Variants in DLG5 observed in about 807,000 individuals in gnomAD.
The protein encoded by DLG5 is disks large homolog 5.
In DLG5, 48 loss-of-function variants were observed where a neutral mutation model predicts 189.8. The ratio of observed to expected loss-of-function variants is 0.25; its 90% confidence interval spans 0.20 to 0.32. DLG5 has a LOEUF of 0.32. Among genes scored for constraint, DLG5 ranks in the 10% least tolerant of loss-of-function variants. The pLI is 1.00. For synonymous variants in DLG5, 1,016 were observed against 1,054.1 expected (o/e 0.96, Z 0.70); for missense variants, 2,160 against 2,544.7 (o/e 0.85, Z 3.25).
intron 6 of DLG5, among the ~76,000 whole-genome samples, chr10:77,842,935 A>G (rs1327649513): frequency 6.6e-6 from 1 of 152,198 alleles, no homozygotes; most frequent in African/African-American, 2.4e-5. Flanking sequence ...TTTTCATGTG[A>G]AACTGCTACA....
chr10:77,796,684 A>ACT lies in DLG5; in HGVS notation c.5165-92_5165-91dup. ...GGAACCCCGCTCCCTGACCTCGCCC[A>ACT]CTCTGGTTTGCCTGGGACTCCCCCA... On this transcript the variant is annotated intron_variant, in intron 27 of 31. Transcript: ENST00000372391. The surrounding 1 kb of genome is among the most constrained non-coding windows in gnomAD (Gnocchi z 5.2). The ACT allele has an allele frequency of 2.0e-6, 3 of 1,537,760 alleles. No homozygotes were observed. Among genetic ancestry groups the ACT allele is most frequent in the Non-Finnish European group, 2.7e-6 (3 of 1,129,844 alleles).
At chr10:77,815,146 T>C (rs1391454659) in intron 20 of DLG5, among the ~76,000 whole-genome samples, 2 of 152,128 alleles carry the variant, frequency 1.3e-5, no homozygotes, top group Admixed American at 1.3e-4. Context: ...CCCACTTCAC[T>C]TGGGGAAGGT....
At chr10:77,882,177 C>A (rs1044039944) in intron 1 of DLG5, among the ~76,000 whole-genome samples, 1 of 152,180 alleles carries the variant, frequency 6.6e-6, no homozygotes, top group Non-Finnish European at 1.5e-5. Context: ...TGCCATAGGG[C>A]GGGAGGCACA....
intron 6 of DLG5, among the ~76,000 whole-genome samples, chr10:77,843,049 T>C (rs890180044): frequency 1.3e-5 from 2 of 152,190 alleles, no homozygotes; most frequent in African/African-American, 4.8e-5. Flanking sequence ...CCCCAGATAA[T>C]TAACTTTCCT....
chr10:77,914,193 A>C (rs1846299251), intron 1 of DLG5, among the ~76,000 whole-genome samples: 1 of 152,188 alleles, frequency 6.6e-6, no homozygotes, highest in African/African-American at 2.4e-5. Flanking sequence ...AGAATTGTGA[A>C]GGTGTCTTTT....
chr10:77,821,909 C>G lies in DLG5; in HGVS notation c.2575G>C (p.Gly859Arg). The change falls in exon 15 of 32, where the codon GGC becomes CGC. Residue 859 changes from glycine to arginine, a missense_variant. Gly to Arg is a moderately radical substitution (Grantham distance 125). Transcript: ENST00000372391. ...AAGGAGCTGCTGCCTCCTGGGGGGC[C>G]TGGCTCCTTCCTGTCTTCCAGCCTG... ...TDRLEDRKEP[G>R]PPGGSSSFLH... 1 of 1,614,248 alleles carries G rather than the reference C, an allele frequency of 6.2e-7. No individual in the cohort carries two copies. The highest frequency in any genetic ancestry group is 8.5e-7 in the Non-Finnish European group (1 of 1,180,044).
chr10:77,911,992 A>G (rs976310109), intron 1 of DLG5, among the ~76,000 whole-genome samples: 15 of 151,108 alleles, frequency 9.9e-5, no homozygotes, highest in Non-Finnish European at 2.9e-5. Flanking sequence ...TAAGGCCAGG[A>G]GTTCAAGACC....
intron 2 of DLG5, among the ~76,000 whole-genome samples, chr10:77,863,279 T>A (rs1258327422): frequency 6.6e-6 from 1 of 151,904 alleles, no homozygotes; most frequent in Non-Finnish European, 1.5e-5. Flanking sequence ...TTTTATTTAT[T>A]GTAGCGACAG....
intron 2 of DLG5, among the ~76,000 whole-genome samples, chr10:77,866,576 C>A (rs968172761): frequency 6.6e-6 from 1 of 152,124 alleles, no homozygotes; most frequent in African/African-American, 2.4e-5. Flanking sequence ...GCCTGAGAAA[C>A]TAGAAATTTA....
chr10:77,794,593 C>T (rs1014734699), intron 30 of DLG5, among the ~76,000 whole-genome samples: 5 of 152,230 alleles, frequency 3.3e-5, no homozygotes, highest in Non-Finnish European at 7.3e-5. Context: ...CCAAGCTGGC[C>T]ATGCCCAAAA....
At chr10:77,819,688 C>T (rs1441680213) in intron 16 of DLG5, 5 of 1,055,372 alleles carry the variant, frequency 4.7e-6, no homozygotes. Context: ...TCCCAGGTTG[C>T]TATGGGGAGA....
the DLG5 span, among the ~76,000 whole-genome samples, chr10:77,938,928 C>T: frequency 6.6e-6 from 1 of 152,216 alleles, no homozygotes; most frequent in African/African-American, 2.4e-5. Flanking sequence ...GTGGCTCACG[C>T]CTGTAATCCC....
chr10:77,910,101 C>T lies in DLG5; in HGVS notation c.304+16116G>A, dbSNP rs568443891. ...ATTTAGATATCACGTCCTACGTCTACATCCAGAAAGCCCCCAGTGTGACAG... is the reference window on the plus strand; with the variant it reads ...ATTTAGATATCACGTCCTACGTCTATATCCAGAAAGCCCCCAGTGTGACAG... On this transcript the variant is annotated intron_variant, in intron 1 of 31. Coordinates refer to ENST00000372391, the MANE Select transcript of DLG5 (RefSeq NM_004747.4). Among the ~76,000 whole-genome samples, 265 of 152,338 alleles carry T rather than the reference C, an allele frequency of 1.7e-3. 1 individual carries two copies. The highest frequency in any genetic ancestry group is 6.1e-3 in the African/African-American group (253 of 41,586).
chr10:77,910,849 G>C (rs777875484), intron 1 of DLG5, among the ~76,000 whole-genome samples: 4 of 152,118 alleles, frequency 2.6e-5, no homozygotes, highest in Non-Finnish European at 4.4e-5. Flanking sequence ...GCACACGCCT[G>C]TAATCCCAGC....
chr10:77,796,334 C>A lies in DLG5; in HGVS notation c.5308+117G>T. Reference sequence around the variant, plus strand: ...GACCCATGTCAGCAGGCTTCTGGAACACTGTGAAATCTGCCCCCCGGTACT... The same window carrying A: ...GACCCATGTCAGCAGGCTTCTGGAAAACTGTGAAATCTGCCCCCCGGTACT... On this transcript the variant is annotated intron_variant, in intron 28 of 31. Coordinates refer to ENST00000372391, the MANE Select transcript of DLG5 (RefSeq NM_004747.4). This position sits in a 1 kb window ranked among gnomAD's most constrained non-coding sequence, Gnocchi z 5.2. 6.3e-7 allele frequency: 1 copy of A among 1,584,484 alleles called. No homozygotes were observed. Among genetic ancestry groups the A allele is most frequent in the Non-Finnish European group, 8.6e-7 (1 of 1,161,360 alleles).
intron 1 of DLG5, chr10:77,912,325 G>A (rs1373752722): frequency 6.6e-6 from 1 of 151,902 alleles, no homozygotes; most frequent in Non-Finnish European, 1.5e-5. Flanking sequence ...CTATTCACAG[G>A]CATGACCCCA....
intron 7 of DLG5, among the ~76,000 whole-genome samples, chr10:77,837,445 G>A (rs913022568): frequency 2.1e-4 from 32 of 152,246 alleles, no homozygotes; most frequent in Admixed American, 9.8e-4. Flanking sequence ...AGCGCAGGAG[G>A]TGGGCAGCTC....
chr10:77,913,328 T>A (rs1436222809), intron 1 of DLG5, among the ~76,000 whole-genome samples: 1 of 152,156 alleles, frequency 6.6e-6, no homozygotes, highest in African/African-American at 2.4e-5. Flanking sequence ...AGAGACAACA[T>A]CAACTAAATG....
intron 27 of DLG5, among the ~76,000 whole-genome samples, chr10:77,798,156 C>T (rs1439757538): frequency 2.6e-5 from 4 of 152,190 alleles, no homozygotes; most frequent in Admixed American, 2.6e-4. Context: ...CACTGTACTC[C>T]AGCCTGGGCA....
Sources: gnomAD v4.1 joint callset for allele counts (sites outside exome capture counted in the v4.1 genomes callset) on GRCh38, gnomAD v4.1.1 for gene constraint, Gnocchi (gnomAD v3.1) non-coding constraint, MANE v1.5 for transcripts, NCBI Gene and HGNC (gene_info 2026-07-23, HGNC 2026-07-21) for gene names.